GRK5: variants seen among roughly 807,000 people sequenced by gnomAD.
The protein encoded by GRK5 is G protein-coupled receptor kinase 5, also known as g protein-coupled receptor kinase GRK5.
Under a neutral mutation model 78.4 loss-of-function variants are expected in GRK5, and 40 were observed. That is an observed-to-expected ratio of 0.51 (90% CI 0.40 to 0.66). The LOEUF is 0.66. Ranked by LOEUF, GRK5 falls within the 30% of genes least tolerant of loss-of-function variation. The pLI is 0.00. For missense variants in GRK5, 598 were observed against 759.9 expected (o/e 0.79, Z 2.50); for synonymous variants, 289 against 296.8 (o/e 0.97, Z 0.27).
chr10:119,400,982 G>A (rs1852140265), intron 4 of GRK5, among the ~76,000 whole-genome samples: 1 of 152,228 alleles, frequency 6.6e-6, no homozygotes, highest in Admixed American at 6.5e-5. Context: ...GGCAGAGGCA[G>A]GGGAATTCAT....
chr10:119,276,914 AG>A (rs1426928241), intron 1 of GRK5, among the ~76,000 whole-genome samples: 1 of 152,238 alleles, frequency 6.6e-6, no homozygotes, highest in Non-Finnish European at 1.5e-5. Flanking sequence ...GCAGTTCACA[AG>A]GGTCGTACCA....
chr10:119,431,777 C>T lies in GRK5; in HGVS notation c.738+250C>T, dbSNP rs578063095. Among the ~76,000 whole-genome samples the T allele has an allele frequency of 5.9e-5, 9 of 152,318 alleles. No individual in the cohort carries two copies. In the South Asian group the frequency reaches 1.5e-3, roughly 25 times the overall value. ...CCTGGCTCCCTGCTGTGCATGAGAC[C>T]GACGCCTCTGTTCTCCTGGACCACT... On this transcript the variant is annotated intron_variant, in intron 8 of 15. Transcript: ENST00000392870. This position sits in a 1 kb window ranked among gnomAD's most constrained non-coding sequence, Gnocchi z 4.8.
chr10:119,257,768 T>C (rs1388400866), intron 1 of GRK5, among the ~76,000 whole-genome samples: 1 of 152,132 alleles, frequency 6.6e-6, no homozygotes, highest in Non-Finnish European at 1.5e-5. Context: ...GCAAAGTGGC[T>C]GAGCCCACTG....
intron 1 of GRK5, among the ~76,000 whole-genome samples, chr10:119,211,232 GA>G (rs1213235426): frequency 6.6e-6 from 1 of 152,078 alleles, no homozygotes; most frequent in Non-Finnish European, 1.5e-5. Flanking sequence ...AGTGCTTAAG[GA>G]AAAAAAGAAA....
chr10:119,309,422 G>A (rs1850325368), intron 1 of GRK5, among the ~76,000 whole-genome samples: 1 of 152,192 alleles, frequency 6.6e-6, no homozygotes, highest in African/African-American at 2.4e-5. Flanking sequence ...GGGAATGCAG[G>A]GTCCAATGGG....
At chr10:119,251,393 T>C (rs982330554) in intron 1 of GRK5, among the ~76,000 whole-genome samples, 4 of 152,256 alleles carry the variant, frequency 2.6e-5, no homozygotes, top group Admixed American at 2.6e-4. Context: ...ACCAATGCCT[T>C]TCTGTGATGC....
intron 1 of GRK5, among the ~76,000 whole-genome samples, chr10:119,260,458 G>T (rs1336154850): frequency 1.3e-5 from 2 of 149,422 alleles, no homozygotes; most frequent in South Asian, 4.2e-4. Flanking sequence ...CACAGAGGGG[G>T]ATTTGGCAGG....
At chr10:119,252,234 G>A (rs1176599791) in intron 1 of GRK5, among the ~76,000 whole-genome samples, 1 of 152,210 alleles carries the variant, frequency 6.6e-6, no homozygotes, top group African/African-American at 2.4e-5. Flanking sequence ...TACAGGTCCT[G>A]GTGGAGTTGA....
intron 1 of GRK5, among the ~76,000 whole-genome samples, chr10:119,283,524 A>G (rs1490195944): frequency 6.6e-6 from 1 of 152,246 alleles, no homozygotes; most frequent in East Asian, 1.9e-4. Context: ...TCCAGGCTTC[A>G]GGAACGCCTG....
intron 1 of GRK5, among the ~76,000 whole-genome samples, chr10:119,275,433 A>G (rs551423440): frequency 6.6e-6 from 1 of 152,254 alleles, no homozygotes; most frequent in East Asian, 1.9e-4. Flanking sequence ...CAGTCCTCTC[A>G]CTTCTGTGTT....
At chr10:119,337,073 T>C (rs930808898) in intron 2 of GRK5, among the ~76,000 whole-genome samples, 2 of 152,180 alleles carry the variant, frequency 1.3e-5, no homozygotes, top group African/African-American at 4.8e-5. Context: ...CCTGGAGTTG[T>C]GGTTTTCAAA....
intron 1 of GRK5, among the ~76,000 whole-genome samples, chr10:119,300,858 C>T (rs1049378292): frequency 6.6e-6 from 1 of 151,896 alleles, no homozygotes; most frequent in Non-Finnish European, 1.5e-5. Context: ...TTTGGGAGGC[C>T]GAAGGTGGAT....
At chr10:119,392,766 A>G (rs935769923) in intron 3 of GRK5, among the ~76,000 whole-genome samples, 4 of 151,768 alleles carry the variant, frequency 2.6e-5, no homozygotes, top group African/African-American at 4.8e-5. Context: ...GACAAGGCCC[A>G]TCTCTCTCTC....
At chr10:119,449,965 G>A (rs1301218478) in intron 13 of GRK5, among the ~76,000 whole-genome samples, 2 of 152,318 alleles carry the variant, frequency 1.3e-5, no homozygotes, top group East Asian at 3.9e-4. Context: ...TCTGGGGTAA[G>A]ACTCGGGCTT....
Position 119,455,148 on chromosome 10 carries a change from C to G in GRK5, c.*81C>G, listed in dbSNP as rs530743687. The stretch of plus-strand genomic sequence containing the variant: ...AAGTGGAAGTAGTGGAGCCCCTGCT[C>G]TGGTGGGGCTGCCAGGGGAGACCCC... On this transcript the variant is annotated 3_prime_UTR_variant, in exon 16 of 16. Transcript: ENST00000392870. The G allele has an allele frequency of 2.7e-4, 305 of 1,120,770 alleles. No homozygotes were observed. The highest frequency in any genetic ancestry group is 3.4e-4 in the Non-Finnish European group (252 of 737,186). The allele number at this position is 1,120,770 out of a possible 1,614,324, so 69.4% of individuals were successfully genotyped here.
At chr10:119,324,901 G>A (rs1239435865) in intron 1 of GRK5, among the ~76,000 whole-genome samples, 1 of 152,154 alleles carries the variant, frequency 6.6e-6, no homozygotes, top group Non-Finnish European at 1.5e-5. Context: ...GCCTCACCAC[G>A]GCAGGTGCCC....
rs577457217 is a variant in GRK5 at position 119,458,345 on chromosome 10, C to G, written c.*3278C>G. 6.6e-6 allele frequency: 1 copy of G among 152,322 alleles called. No homozygotes were observed. Among genetic ancestry groups the G allele is most frequent in the African/African-American group, 2.4e-5 (1 of 41,566 alleles). 9.4% of individuals were successfully genotyped at this position (152,322 alleles called of 1,614,324 possible). On this transcript the variant is annotated 3_prime_UTR_variant, in exon 16 of 16. Transcript: ENST00000392870. ...CCCCTGGGGGGCACCCAGAATACCACCCAAAATAGCAAGAAGACCCGGTCC... is the reference window on the plus strand; with the variant it reads ...CCCCTGGGGGGCACCCAGAATACCAGCCAAAATAGCAAGAAGACCCGGTCC...
chr10:119,367,464 C>T (rs554237387), intron 2 of GRK5, among the ~76,000 whole-genome samples: 1 of 152,292 alleles, frequency 6.6e-6, no homozygotes, highest in South Asian at 2.1e-4. Context: ...CACCAAAGAC[C>T]CAGATTGGGT....
intron 12 of GRK5, among the ~76,000 whole-genome samples, chr10:119,446,819 A>C (rs543408915): frequency 1.9e-4 from 29 of 152,230 alleles, no homozygotes; most frequent in African/African-American, 6.7e-4. Flanking sequence ...CCTGAGCCCC[A>C]AGAGGCCAGT....
Sources: allele counts gnomAD v4.1 joint callset (sites outside exome capture counted in the v4.1 genomes callset), GRCh38; gene constraint gnomAD v4.1.1; non-coding constraint Gnocchi (gnomAD v3.1); transcripts MANE v1.5; gene names NCBI Gene and HGNC (gene_info 2026-07-23, HGNC 2026-07-21).